Variants in NELL1 observed in about 807,000 individuals in gnomAD.
NELL1 encodes neural EGFL like 1, also known as protein kinase C-binding protein NELL1.
A neutral mutation model predicts 107.4 loss-of-function variants in NELL1; 76 were observed. The observed-to-expected ratio is 0.71, with a 90% CI of 0.59 to 0.86. The LOEUF is 0.86. Among genes scored for constraint, NELL1 ranks in the 40% least tolerant of loss-of-function variants. The pLI is 0.00. For missense variants in NELL1, 1,024 were observed against 1,005.5 expected, an observed-to-expected ratio of 1.02 and a Z score of -0.25; for synonymous variants, 353 against 341.2, an observed-to-expected ratio of 1.03 and a Z score of -0.38.
At chr11:21,333,446 A>G (rs1402728474) in intron 14 of NELL1, among the ~76,000 whole-genome samples, 1 of 152,118 alleles carries the variant, frequency 6.6e-6, no homozygotes, top group Non-Finnish European at 1.5e-5. Context: ...ATGAAGATGC[A>G]GTTTGAGTAG....
chr11:21,381,605 A>G (rs1237389328), intron 15 of NELL1, among the ~76,000 whole-genome samples: 1 of 151,956 alleles, frequency 6.6e-6, no homozygotes, highest in African/African-American at 2.4e-5. Context: ...CTGCTTGCCC[A>G]AGGATACTCA....
intron 15 of NELL1, among the ~76,000 whole-genome samples, chr11:21,455,673 A>G (rs1853710002): frequency 6.6e-6 from 1 of 151,882 alleles, no homozygotes. Context: ...GTTTTCATCC[A>G]TTTTGATTAA....
At position 20,727,673 on chromosome 11, in the gene NELL1, T is replaced by C. The variant is rs534335066; in HGVS notation, c.184+49613T>C. ...ATTTTAGTCATGAAGCCCTTGCCCA[T>C]GCCTATGTCCTGAATGGTATTGCCT... is the stretch of plus-strand genomic sequence containing the variant. On this transcript the variant is annotated intron_variant, in intron 2 of 19. Coordinates refer to ENST00000357134, the MANE Select transcript of NELL1 (RefSeq NM_006157.5). Among the ~76,000 whole-genome samples, 29 of 152,340 alleles carry C rather than the reference T, an allele frequency of 1.9e-4. 1 individual carries two copies. Among genetic ancestry groups the C allele is most frequent in the East Asian group, 9.6e-4 (5 of 5,186 alleles).
At chr11:21,342,109 C>T (rs372492209) in intron 14 of NELL1, among the ~76,000 whole-genome samples, 36 of 152,108 alleles carry the variant, frequency 2.4e-4, no homozygotes, top group Non-Finnish European at 1.0e-4. Context: ...CTACAGAAAG[C>T]CTGGGTGAGA....
chr11:20,696,619 GGAGTGGACTTA>G (rs562928955), intron 2 of NELL1, among the ~76,000 whole-genome samples: 226 of 152,208 alleles, frequency 1.5e-3, no homozygotes, highest in African/African-American at 5.1e-3. Flanking sequence ...TAGGTTGTAA[GGAGTGGACTTA>G]TGTTTTGTTT....
At chr11:21,432,392 C>T (rs931323053) in intron 15 of NELL1, among the ~76,000 whole-genome samples, 1 of 152,068 alleles carries the variant, frequency 6.6e-6, no homozygotes, top group Non-Finnish European at 1.5e-5. Flanking sequence ...AAATGCTTGT[C>T]ATTATTGGGT....
chr11:21,050,806 C>T (rs1209756591), intron 12 of NELL1, among the ~76,000 whole-genome samples: 1 of 152,094 alleles, frequency 6.6e-6, no homozygotes, highest in African/African-American at 2.4e-5. Context: ...GATTCTGATA[C>T]TCTGTAATTC....
At chr11:21,310,710 C>A (rs1849731300) in intron 14 of NELL1, among the ~76,000 whole-genome samples, 1 of 151,802 alleles carries the variant, frequency 6.6e-6, no homozygotes, top group Non-Finnish European at 1.5e-5. Flanking sequence ...AAGATGGTGT[C>A]CAAGCAGAAA....
chr11:21,090,498 T>G (rs1235405727), intron 12 of NELL1, among the ~76,000 whole-genome samples: 2 of 152,102 alleles, frequency 1.3e-5, no homozygotes, highest in African/African-American at 4.8e-5. Flanking sequence ...AGCAGTGAAC[T>G]TGGGGTCAGG....
At chr11:20,754,224 C>G (rs1564894315) in intron 2 of NELL1, among the ~76,000 whole-genome samples, 1 of 152,210 alleles carries the variant, frequency 6.6e-6, no homozygotes, top group Non-Finnish European at 1.5e-5. Context: ...TTATCTATTG[C>G]TATCTCACAG....
intron 15 of NELL1, among the ~76,000 whole-genome samples, chr11:21,393,158 G>A (rs1200793882): frequency 3.3e-5 from 5 of 151,690 alleles, no homozygotes; most frequent in Non-Finnish European, 7.4e-5. Context: ...AATTGGGGTT[G>A]AAGGACCATC....
At position 21,030,117 on chromosome 11, in the gene NELL1, T is replaced by C. The variant is rs979445240; in HGVS notation, c.1300+69557T>C. On this transcript the variant is annotated intron_variant, in intron 12 of 19. Coordinates refer to ENST00000357134, the MANE Select transcript of NELL1 (RefSeq NM_006157.5). ...GTAGTATTGGATGTTAGCTTGTGAA[T>C]TGAACTTTAAAATTACGTTAGATAT... is the stretch of plus-strand genomic sequence containing the variant. 6.6e-5 allele frequency among the ~76,000 whole-genome samples: 10 copies of C among 152,158 alleles called. No homozygotes were observed. In the East Asian group the frequency reaches 1.3e-3, roughly 21 times the overall value.
At chr11:21,558,399 A>T (rs1591035168) in intron 16 of NELL1, among the ~76,000 whole-genome samples, 1 of 149,420 alleles carries the variant, frequency 6.7e-6, no homozygotes, top group Admixed American at 6.7e-5. Context: ...CAAGCTACAT[A>T]ATATATATAT....
chr11:21,200,827 G>C (rs1857253447), intron 13 of NELL1, among the ~76,000 whole-genome samples: 1 of 152,134 alleles, frequency 6.6e-6, no homozygotes, highest in South Asian at 2.1e-4. Flanking sequence ...GTAAGGAAGG[G>C]GGTCCAGTTT....
At chr11:20,726,875 C>T (rs2133916613) in intron 2 of NELL1, among the ~76,000 whole-genome samples, 2 of 151,920 alleles carry the variant, frequency 1.3e-5, no homozygotes, top group Middle Eastern at 3.4e-3. Flanking sequence ...TGATAGTTTG[C>T]TTAGAATGAT....
intron 2 of NELL1, among the ~76,000 whole-genome samples, chr11:20,753,748 C>G (rs1238728346): frequency 6.6e-6 from 1 of 152,178 alleles, no homozygotes; most frequent in African/African-American, 2.4e-5. Flanking sequence ...CTTAATCTCA[C>G]TTTCTCTCCA....
intron 15 of NELL1, among the ~76,000 whole-genome samples, chr11:21,468,936 A>G (rs1199552641): frequency 6.6e-6 from 1 of 152,160 alleles, no homozygotes; most frequent in East Asian, 1.9e-4. Flanking sequence ...GATCTGAAAT[A>G]GTGCTACTCT....
At chr11:21,036,870 A>T (rs1853105771) in intron 12 of NELL1, among the ~76,000 whole-genome samples, 1 of 152,118 alleles carries the variant, frequency 6.6e-6, no homozygotes, top group African/African-American at 2.4e-5. Context: ...TTTTAAAAAC[A>T]TGAAAAACAT....
At chr11:21,378,714 TAC>T (rs1296235647) in intron 15 of NELL1, among the ~76,000 whole-genome samples, 2 of 129,868 alleles carry the variant, frequency 1.5e-5, no homozygotes, top group East Asian at 4.9e-4. Context: ...CACACACTTG[TAC>T]ATTTTTTTTT....
Sources: gnomAD v4.1 joint callset for allele counts (sites outside exome capture counted in the v4.1 genomes callset) on GRCh38, gnomAD v4.1.1 for gene constraint, MANE v1.5 for transcripts, NCBI Gene and HGNC (gene_info 2026-07-23, HGNC 2026-07-21) for gene names.